Variants in SLC39A12 observed in about 807,000 individuals in gnomAD.
The protein encoded by SLC39A12 is zinc transporter ZIP12.
SLC39A12 carries 63 observed loss-of-function variants against 71.1 expected under a neutral mutation model. The ratio of observed to expected loss-of-function variants is 0.89; its 90% CI spans 0.72 to 1.09. The LOEUF (loss-of-function observed/expected upper bound fraction) is 1.09, where lower values mean the gene tolerates loss of function less well. Among genes scored for constraint, SLC39A12 ranks in the 50% least tolerant of loss-of-function variants. SLC39A12 has a pLI of 0.00. For synonymous variants in SLC39A12, 351 were observed against 301.3 expected, an observed-to-expected ratio of 1.16 and a Z score of -1.71; for missense variants, 892 against 812.6, an observed-to-expected ratio of 1.10 and a Z score of -1.19.
In SLC39A12 at chr10:18,003,320, A is replaced by G; in HGVS notation, c.1909A>G (p.Thr637Ala). 6.2e-7 allele frequency: 1 copy of G among 1,613,706 alleles called. No homozygotes were observed. Among genetic ancestry groups the G allele is most frequent in the Non-Finnish European group, 8.5e-7 (1 of 1,179,928 alleles). The change falls in exon 12 of 13, where the codon ACT (threonine) becomes GCT (alanine). Residue 637 changes from threonine to alanine, a missense_variant. Physicochemically the swap from Thr to Ala is moderately conservative, Grantham distance 58 (BLOSUM62 0). Transcript: ENST00000377369. The stretch of plus-strand genomic sequence containing the variant: ...TGTTCAAGACTGGATCTTCACAGTC[A>G]CTGCTGGGATGTTCTTATATTTATC... ...PCVQDWIFTV[T>A]AGMFLYLSLV...
intron 4 of SLC39A12, among the ~76,000 whole-genome samples, chr10:17,967,588 A>G (rs61022323): frequency 0.088 from 13,398 of 152,132 alleles, 620 homozygotes; most frequent in Non-Finnish European, 0.094. Flanking sequence ...GCTTTTAAAA[A>G]TATTTATTTC....
At chr10:18,040,226 A>G (rs566168841) in intron 12 of SLC39A12, among the ~76,000 whole-genome samples, 1 of 152,188 alleles carries the variant, frequency 6.6e-6, no homozygotes, top group Non-Finnish European at 1.5e-5. Context: ...GATGAATCAG[A>G]TAAGATTTTT....
At chr10:18,028,395 T>C (rs950636129) in intron 12 of SLC39A12, among the ~76,000 whole-genome samples, 3 of 152,216 alleles carry the variant, frequency 2.0e-5, no homozygotes, top group Admixed American at 6.5e-5. Flanking sequence ...TATTTGATAA[T>C]GGGTCTTTAG....
At chr10:18,002,344 C>G (rs1198019684) in intron 11 of SLC39A12, 2 of 152,136 alleles carry the variant, frequency 1.3e-5, no homozygotes, top group Non-Finnish European at 2.9e-5. Context: ...CAAGGTCCTC[C>G]CTGGGCTCAT....
intron 4 of SLC39A12, among the ~76,000 whole-genome samples, chr10:17,971,003 A>G (rs1232959849): frequency 1.3e-5 from 2 of 152,036 alleles, no homozygotes; most frequent in Admixed American, 6.6e-5. Context: ...TAGGGTTTTT[A>G]TCATGAAAGG....
intron 12 of SLC39A12, among the ~76,000 whole-genome samples, chr10:18,037,908 T>C (rs1043172649): frequency 6.7e-6 from 1 of 150,160 alleles, no homozygotes; most frequent in Non-Finnish European, 1.5e-5. Context: ...TAGTCCCAGC[T>C]ACGTGGGCGA....
intron 3 of SLC39A12, among the ~76,000 whole-genome samples, chr10:17,962,977 A>T (rs1834730300): frequency 6.6e-6 from 1 of 152,098 alleles, no homozygotes; most frequent in Admixed American, 6.5e-5. Flanking sequence ...GCAACATAGC[A>T]AGACCTTGTC....
At chr10:17,996,567 A>G (rs1020335224) in intron 10 of SLC39A12, among the ~76,000 whole-genome samples, 3 of 152,232 alleles carry the variant, frequency 2.0e-5, no homozygotes, top group African/African-American at 7.2e-5. Flanking sequence ...AGTTGGTGTG[A>G]TCTCATTCAA....
rs1329847191 is a variant in SLC39A12, at chr10:17,993,154, C to G, written c.1423-27C>G. 2.0e-6 allele frequency: 3 copies of G among 1,494,994 alleles called. No homozygotes were observed. In the African/African-American group the frequency reaches 4.2e-5, roughly 21 times the overall value. The allele number at this position is 1,494,994 out of a possible 1,614,324, so 92.6% of individuals were successfully genotyped here. On this transcript the variant is annotated intron_variant, in intron 8 of 12. Transcript: ENST00000377369. ...TACACCTGTGTTCTTCTGGCTTCAA[C>G]ACTAATTTTAAACCATCCTCATCCA...
chr10:18,035,534 T>C (rs1331981071), intron 12 of SLC39A12, among the ~76,000 whole-genome samples: 1 of 151,446 alleles, frequency 6.6e-6, no homozygotes, highest in Non-Finnish European at 1.5e-5. Context: ...TTGGTTATTC[T>C]AGTTTTACAT....
chr10:17,971,169 A>T (rs1834963200), intron 4 of SLC39A12, among the ~76,000 whole-genome samples: 1 of 150,516 alleles, frequency 6.6e-6, no homozygotes, highest in African/African-American at 2.4e-5. Flanking sequence ...CTTAGTCATT[A>T]TGAATGATCT....
At chr10:18,004,812 A>C (rs1036483531) in intron 12 of SLC39A12, among the ~76,000 whole-genome samples, 3 of 152,168 alleles carry the variant, frequency 2.0e-5, no homozygotes, top group African/African-American at 7.2e-5. Context: ...TAGCAAAGAC[A>C]TGGAATCAAC....
chr10:17,968,510 C>A (rs1434022072), intron 4 of SLC39A12, among the ~76,000 whole-genome samples: 2 of 152,134 alleles, frequency 1.3e-5, no homozygotes, highest in Non-Finnish European at 2.9e-5. Context: ...TAAAGAACTT[C>A]ATTTTGTATT....
At chr10:18,024,890 G>C (rs1836631318) in intron 12 of SLC39A12, among the ~76,000 whole-genome samples, 1 of 152,034 alleles carries the variant, frequency 6.6e-6, no homozygotes, top group Admixed American at 6.5e-5. Flanking sequence ...TCCTTGCTCT[G>C]AATTCTGCTC....
rs747676596 is a variant in SLC39A12 at position 18,042,689 on chromosome 10, TTTA to T, written c.1948-13_1948-11del. The T allele has an allele frequency of 6.3e-7, 1 of 1,598,784 alleles. No individual in the cohort carries two copies. The highest frequency in any genetic ancestry group is 1.8e-5 in the Admixed American group (1 of 56,476). ...ATATATCTGGATCTTATTCTGGTTT[TTTA>T]TTCTTTTTTTAGCTTCCTGAAATGA... On this transcript the variant is annotated splice_polypyrimidine_tract_variant and intron_variant, in intron 12 of 12. Transcript: ENST00000377369.
At chr10:17,964,154 A>G (rs773501557) in intron 3 of SLC39A12, among the ~76,000 whole-genome samples, 4 of 152,086 alleles carry the variant, frequency 2.6e-5, no homozygotes, top group Non-Finnish European at 4.4e-5. Context: ...TTTATCCTCT[A>G]TGGTGTTTCG....
At chr10:18,032,840 T>C (rs1416061823) in intron 12 of SLC39A12, among the ~76,000 whole-genome samples, 2 of 145,194 alleles carry the variant, frequency 1.4e-5, no homozygotes, top group African/African-American at 2.6e-5. Flanking sequence ...ACCTAATTTA[T>C]TGAGAGTTTT....
At chr10:17,986,156 A>G (rs185294426) in intron 6 of SLC39A12, among the ~76,000 whole-genome samples, 56 of 152,300 alleles carry the variant, frequency 3.7e-4, no homozygotes, top group Non-Finnish European at 7.2e-4. Context: ...AGCTTAAGAT[A>G]TGATTAAAGG....
chr10:18,028,958 G>A (rs1589256074), intron 12 of SLC39A12, among the ~76,000 whole-genome samples: 1 of 151,972 alleles, frequency 6.6e-6, no homozygotes, highest in Non-Finnish European at 1.5e-5. Flanking sequence ...GACCTCAGGT[G>A]ATCCACCCGC....
Sources: allele counts gnomAD v4.1 joint callset (sites outside exome capture counted in the v4.1 genomes callset), GRCh38; gene constraint gnomAD v4.1.1; transcripts MANE v1.5; gene names NCBI Gene and HGNC (gene_info 2026-07-23, HGNC 2026-07-21).